Variants in PTPN11 observed in about 807,000 individuals in gnomAD.
PTPN11 encodes protein tyrosine phosphatase non-receptor type 11.
PTPN11 carries 6 observed loss-of-function variants against 78.8 expected under a neutral mutation model. That is an observed-to-expected ratio of 0.08 (90% confidence interval 0.04 to 0.15). PTPN11 has a LOEUF of 0.15. Among genes scored for constraint, PTPN11 ranks in the 10% least tolerant of loss-of-function variants. The probability of loss-of-function intolerance (pLI) is 1.00; values close to 1 mark genes in which losing one functional copy is unlikely to be tolerated. For missense variants in PTPN11, 386 were observed against 744.8 expected (o/e 0.52, Z 5.61); for synonymous variants, 221 against 263.5 (o/e 0.84, Z 1.56).
chr12:112,505,600 T>A (rs2038922575), intron 15 of PTPN11, among the ~76,000 whole-genome samples: 1 of 142,286 alleles, frequency 7.0e-6, no homozygotes, highest in Non-Finnish European at 1.5e-5. Context: ...GCGGTTGCAG[T>A]GTGCCAAGAT....
At chr12:112,437,443 G>C (rs2037812629) in intron 1 of PTPN11, among the ~76,000 whole-genome samples, 1 of 152,146 alleles carries the variant, frequency 6.6e-6, no homozygotes, top group South Asian at 2.1e-4. Context: ...TTACAGGCAT[G>C]AGCCACCGTG....
At chr12:112,444,955 A>G (rs1186013831) in intron 1 of PTPN11, among the ~76,000 whole-genome samples, 1 of 152,122 alleles carries the variant, frequency 6.6e-6, no homozygotes, top group East Asian at 1.9e-4. Context: ...GGAAAACCCA[A>G]TATGTAGAAA....
intron 14 of PTPN11, 129 bp downstream of exon 14, chr12:112,502,385 A>C (rs1408501108): frequency 1.9e-5 from 15 of 780,310 alleles, no homozygotes; most frequent in Non-Finnish European, 3.3e-5. Context: ...CTGTTGCCCT[A>C]CTGTTAGTGT....
At chr12:112,442,833 TATATATATATATATA>T (rs1566162568) in intron 1 of PTPN11, among the ~76,000 whole-genome samples, 2 of 17,002 alleles carry the variant, frequency 1.2e-4, no homozygotes, top group East Asian at 0.062. Context: ...TCTCTTTTTA[TATATATATATATATA>T]TATATATATA....
Position 112,482,461 on chromosome 12 carries a change from G to T in PTPN11, c.1224+256G>T, listed in dbSNP as rs1198201938. ...TTTAAAAACAAATAACTGGCCAGGC[G>T]CCGTGGCTCAGGCCTGTAATCCCAG... is the stretch of plus-strand genomic sequence containing the variant. On this transcript the variant is annotated intron_variant, in intron 10 of 15. Coordinates refer to ENST00000351677, the MANE Select transcript of PTPN11 (RefSeq NM_002834.5). The surrounding 1 kb of genome is among the most constrained non-coding windows in gnomAD (Gnocchi z 4.4). Among the ~76,000 whole-genome samples the T allele has an allele frequency of 6.6e-6, 1 of 152,142 alleles. No homozygotes were observed. The highest frequency in any genetic ancestry group is 2.4e-5 in the African/African-American group (1 of 41,440).
chr12:112,449,897 C>G (rs2038054247), intron 2 of PTPN11, among the ~76,000 whole-genome samples: 1 of 152,040 alleles, frequency 6.6e-6, no homozygotes, highest in South Asian at 2.1e-4. Flanking sequence ...GAAACCTCAT[C>G]TCTACTAAAA....
intron 1 of PTPN11, among the ~76,000 whole-genome samples, chr12:112,432,963 C>T (rs1214580581): frequency 1.3e-5 from 2 of 151,770 alleles, no homozygotes; most frequent in African/African-American, 2.4e-5. Flanking sequence ...TGGGTTCAAG[C>T]GATTCTCCTG....
At chr12:112,486,067 G>C (rs922709680) in intron 10 of PTPN11, among the ~76,000 whole-genome samples, 3 of 151,910 alleles carry the variant, frequency 2.0e-5, no homozygotes, top group Middle Eastern at 3.2e-3. Flanking sequence ...AAAGAGGAAT[G>C]AATGTCTTAA....
chr12:112,442,543 C>T lies in PTPN11; in HGVS notation c.15-3733C>T, dbSNP rs2037909796. ...CTTGGCTTATTGCAAACTTCACCTT[C>T]TGGGTTCAAGTGATTCTCCTGCCTC... On this transcript the variant is annotated intron_variant, in intron 1 of 15. Coordinates refer to ENST00000351677, the MANE Select transcript of PTPN11 (RefSeq NM_002834.5). 2.6e-5 allele frequency among the ~76,000 whole-genome samples: 4 copies of T among 151,672 alleles called. No individual in the cohort carries two copies. In the South Asian group the frequency reaches 6.2e-4, roughly 24 times the overall value.
intron 13 of PTPN11, among the ~76,000 whole-genome samples, chr12:112,490,598 A>G (rs1405592156): frequency 1.3e-5 from 2 of 152,030 alleles, no homozygotes. Context: ...TTGTGGCTCC[A>G]TGCCCGGCTA....
chr12:112,439,874 T>A (rs2037856215), intron 1 of PTPN11, among the ~76,000 whole-genome samples: 3 of 151,988 alleles, frequency 2.0e-5, no homozygotes, highest in Admixed American at 2.0e-4. Flanking sequence ...TATATAATAA[T>A]TAGTTTTTCC....
In PTPN11 at chr12:112,463,877, G is replaced by C. The variant is rs149607818; in HGVS notation, c.756+7814G>C. 4.9e-3 allele frequency among the ~76,000 whole-genome samples: 745 copies of C among 152,272 alleles called. 9 individuals are homozygous for C. Among genetic ancestry groups the C allele is most frequent in the African/African-American group, 0.016 (683 of 41,554 alleles). Reference sequence around the variant, plus strand: ...TATACCTGCTTCTCAAATTCAGTCTGTTTTAAAAAATTGCCCTTTGAGGTT... The same window carrying C: ...TATACCTGCTTCTCAAATTCAGTCTCTTTTAAAAAATTGCCCTTTGAGGTT... On this transcript the variant is annotated intron_variant, in intron 6 of 15. Transcript: ENST00000351677.
chr12:112,420,343 CT>C (rs2037503203), intron 1 of PTPN11, among the ~76,000 whole-genome samples: 1 of 151,572 alleles, frequency 6.6e-6, no homozygotes, highest in African/African-American at 2.4e-5. Context: ...ATTTTCTTTT[CT>C]TTTTTTCTTT....
Position 112,482,130 on chromosome 12 carries a change from G to A in PTPN11, c.1149G>A (p.Met383Ile). The A allele has an allele frequency of 6.2e-7, 1 of 1,602,054 alleles. No individual in the cohort carries two copies. The highest frequency in any genetic ancestry group is 1.1e-5 in the South Asian group (1 of 90,840). Residue 383 changes from methionine to isoleucine, a missense_variant, in exon 10 of 16, where the codon ATG becomes ATA. Met to Ile is a conservative substitution (Grantham distance 10). Transcript: ENST00000351677. The surrounding 1 kb of genome is among the most constrained non-coding windows in gnomAD (Gnocchi z 4.4). ...ATGCTCTAAAAGAATATGGCGTCAT[G>A]CGTGTTAGGAACGTCAAAGAAAGCG... ...DEYALKEYGV[M>I]RVRNVKESAA... is the part of the protein sequence containing the mutation.
chr12:112,509,782 G>T lies in PTPN11; in HGVS notation c.*3990G>T, dbSNP rs2038979520. On this transcript the variant is annotated 3_prime_UTR_variant, in exon 16 of 16. Transcript: ENST00000351677. Reference sequence around the variant, plus strand: ...AGAGAAACATTAGTGGATGTTAATTGTCTCCCCACCTATATTTATGGGTGT... The same window carrying T: ...AGAGAAACATTAGTGGATGTTAATTTTCTCCCCACCTATATTTATGGGTGT... 1 of 152,590 alleles carries T rather than the reference G, an allele frequency of 6.6e-6. No homozygotes were observed. Among genetic ancestry groups the T allele is most frequent in the Admixed American group, 6.5e-5 (1 of 15,278 alleles). The allele number at this position is 152,590 out of a possible 1,614,324, so 9.5% of individuals were successfully genotyped here.
At position 112,419,011 on chromosome 12, in the gene PTPN11, C is replaced by T. The variant is rs1324685370; in HGVS notation, c.-101C>T. ...CGGCCGGCTGGCTCTGCCCCGCGTC[C>T]GGTCCCGAGCGGGCCTCCCTCGGGC... On this transcript the variant is annotated 5_prime_UTR_variant, in exon 1 of 16. Transcript: ENST00000351677. The T allele has an allele frequency of 1.4e-6, 2 of 1,460,996 alleles. No individual in the cohort carries two copies. The highest frequency in any genetic ancestry group is 1.4e-5 in the African/African-American group (1 of 69,382). The allele number at this position is 1,460,996 out of a possible 1,614,324, so 90.5% of individuals were successfully genotyped here.
chr12:112,429,575 A>T (rs6489843), intron 1 of PTPN11, among the ~76,000 whole-genome samples: 2 of 149,744 alleles, frequency 1.3e-5, no homozygotes, highest in Admixed American at 6.6e-5. Flanking sequence ...GCTGAGGCGG[A>T]CAGATCACTT....
chr12:112,450,559 CTGAG>C, intron 3 of PTPN11, 47 bp downstream of exon 3: 1 of 1,563,234 alleles, frequency 6.4e-7, no homozygotes, highest in Non-Finnish European at 8.8e-7. Context: ...CCCTTGTGCC[CTGAG>C]TGTCAGAAAT....
At chr12:112,478,471 T>C (rs182341170) in intron 9 of PTPN11, among the ~76,000 whole-genome samples, 145 of 152,260 alleles carry the variant, frequency 9.5e-4, no homozygotes, top group African/African-American at 3.4e-3. Flanking sequence ...TGTATTAGAC[T>C]ACTTGAAGTT....
Sources: allele counts gnomAD v4.1 joint callset (sites outside exome capture counted in the v4.1 genomes callset), GRCh38; gene constraint gnomAD v4.1.1; non-coding constraint Gnocchi (gnomAD v3.1); transcripts MANE v1.5; gene names NCBI Gene and HGNC (gene_info 2026-07-23, HGNC 2026-07-21).